GPHN: variants seen among roughly 807,000 people sequenced by gnomAD.
GPHN encodes gephyrin.
GPHN carries 17 observed loss-of-function variants against 95.5 expected under a neutral mutation model. The observed-to-expected ratio is 0.18, with a 90% CI of 0.12 to 0.27. The LOEUF (loss-of-function observed/expected upper bound fraction) is 0.27. GPHN is among the 10% of genes least tolerant of loss of function. The pLI, the probability that GPHN is intolerant of heterozygous loss-of-function variation, is 1.00. For missense variants in GPHN, 660 were observed against 978.1 expected (o/e 0.67, Z 4.34); for synonymous variants, 320 against 322.5 (o/e 0.99, Z 0.08).
At chr14:67,518,748 C>T in the GPHN span, among the ~76,000 whole-genome samples, 35 of 152,180 alleles carry the variant, frequency 2.3e-4, no homozygotes, top group Non-Finnish European at 3.5e-4. Flanking sequence ...AGAAAGATTT[C>T]TTTATGCTTG....
the GPHN span, chr14:67,383,861 CTA>C: frequency 4.2e-6 from 1 of 236,460 alleles, no homozygotes; most frequent in Non-Finnish European, 8.5e-6. Context: ...GGATATTTAA[CTA>C]TAGGCTTCTT....
At chr14:66,585,163 A>T (rs1324874882) in intron 1 of GPHN, among the ~76,000 whole-genome samples, 4 of 152,078 alleles carry the variant, frequency 2.6e-5, no homozygotes, top group African/African-American at 9.7e-5. Context: ...TAGATTTTCT[A>T]GTTTATTTGT....
At chr14:67,192,634 C>T in the GPHN span, among the ~76,000 whole-genome samples, 14 of 151,690 alleles carry the variant, frequency 9.2e-5, no homozygotes, top group Admixed American at 7.9e-4. Context: ...TAACCACTGG[C>T]CACAATTATT....
At chr14:67,648,199 G>A in the GPHN span, 15 of 1,607,602 alleles carry the variant, frequency 9.3e-6, no homozygotes, top group East Asian at 3.1e-4. Flanking sequence ...TAGCAACCAG[G>A]TCTGCAGCCT....
chr14:66,643,163 A>G (rs2064528122), intron 1 of GPHN, among the ~76,000 whole-genome samples: 2 of 152,086 alleles, frequency 1.3e-5, no homozygotes, highest in South Asian at 2.1e-4. Flanking sequence ...GATACTCAAC[A>G]TAAAAAATCA....
chr14:66,894,868 A>C (rs2064746570), intron 5 of GPHN, among the ~76,000 whole-genome samples: 1 of 152,188 alleles, frequency 6.6e-6, no homozygotes, highest in Non-Finnish European at 1.5e-5. Flanking sequence ...ACAGGTGCTG[A>C]AGAGGACATG....
chr14:67,712,757 GA>G, the GPHN span, among the ~76,000 whole-genome samples: 3 of 152,064 alleles, frequency 2.0e-5, no homozygotes, highest in Non-Finnish European at 2.9e-5. Context: ...TTGTGATAGG[GA>G]AAAAAAGAAG....
intron 8 of GPHN, among the ~76,000 whole-genome samples, chr14:66,950,557 G>T (rs908353821): frequency 6.6e-6 from 1 of 151,990 alleles, no homozygotes; most frequent in Non-Finnish European, 1.5e-5. Flanking sequence ...TCAGTTAGTG[G>T]CTGCTTCTAC....
At chr14:66,839,965 T>C (rs1260174459) in intron 4 of GPHN, among the ~76,000 whole-genome samples, 1 of 152,074 alleles carries the variant, frequency 6.6e-6, no homozygotes, top group African/African-American at 2.4e-5. Flanking sequence ...TTTAGAGGAA[T>C]GAGAGGTTAC....
At chr14:67,359,573 AC>A in the GPHN span, 1 of 1,459,654 alleles carries the variant, frequency 6.9e-7, no homozygotes, top group Non-Finnish European at 9.5e-7. Context: ...GGAAACAAGG[AC>A]CCTCACTGTG....
the GPHN span, chr14:67,621,015 C>T: frequency 6.4e-7 from 1 of 1,551,342 alleles, no homozygotes; most frequent in Non-Finnish European, 8.9e-7. Flanking sequence ...TAATAGACCA[C>T]TTCAGAGTCT....
intron 11 of GPHN, among the ~76,000 whole-genome samples, chr14:67,068,626 G>C (rs1409629216): frequency 6.6e-6 from 1 of 152,022 alleles, no homozygotes; most frequent in Admixed American, 6.6e-5. Flanking sequence ...TTGCTTTCTT[G>C]GGAATTTTAT....
the GPHN span, among the ~76,000 whole-genome samples, chr14:67,237,552 G>A: frequency 0.048 from 7,236 of 151,772 alleles, 186 homozygotes; most frequent in Non-Finnish European, 0.054. Flanking sequence ...TGAATTCCTA[G>A]GCTCAAACAA....
chr14:66,633,121 A>T (rs1037311465), intron 1 of GPHN, among the ~76,000 whole-genome samples: 2 of 152,150 alleles, frequency 1.3e-5, no homozygotes, highest in African/African-American at 4.8e-5. Flanking sequence ...AAATTTAATC[A>T]TATACTGTCA....
intron 1 of GPHN, among the ~76,000 whole-genome samples, chr14:66,664,008 C>T (rs1306408667): frequency 1.3e-5 from 2 of 152,172 alleles, no homozygotes. Flanking sequence ...TTCAAAGAGA[C>T]TTAGACTCCC....
chr14:67,595,516 G>T, the GPHN span, among the ~76,000 whole-genome samples: 1 of 152,350 alleles, frequency 6.6e-6, no homozygotes, highest in African/African-American at 2.4e-5. Context: ...CAATTGAACA[G>T]TGAGTGAACC....
At chr14:66,945,626 G>A (rs2067702376) in intron 8 of GPHN, among the ~76,000 whole-genome samples, 1 of 152,148 alleles carries the variant, frequency 6.6e-6, no homozygotes, top group African/African-American at 2.4e-5. Flanking sequence ...AAAACCTATT[G>A]AAATTAAAAA....
intron 10 of GPHN, among the ~76,000 whole-genome samples, chr14:67,046,414 T>C (rs1448814478): frequency 2.0e-5 from 3 of 152,218 alleles, no homozygotes; most frequent in African/African-American, 4.8e-5. Flanking sequence ...CAGTGTATTC[T>C]GATATCTACA....
chr14:66,767,595 T>C (rs112227738), intron 2 of GPHN, among the ~76,000 whole-genome samples: 92 of 152,034 alleles, frequency 6.1e-4, no homozygotes, highest in African/African-American at 1.8e-3. Flanking sequence ...GTATGTGTTA[T>C]AAGCTTAGGG....
Sources: allele counts gnomAD v4.1 joint callset (sites outside exome capture counted in the v4.1 genomes callset), GRCh38; gene constraint gnomAD v4.1.1; transcripts MANE v1.5; gene names NCBI Gene and HGNC (gene_info 2026-07-23, HGNC 2026-07-21).